The following PLEKHM3 variants were observed in gnomAD, a reference collection of about 807,000 sequenced individuals.
PLEKHM3 encodes pleckstrin homology domain-containing family M member 3.
PLEKHM3 carries 45 observed loss-of-function variants against 81.8 expected under a neutral mutation model. That is an observed-to-expected ratio of 0.55 (90% CI 0.43 to 0.71). The LOEUF (loss-of-function observed/expected upper bound fraction) is 0.71, where lower values mean the gene tolerates loss of function less well. Ranked by LOEUF, PLEKHM3 falls within the 30% of genes least tolerant of loss-of-function variation. The pLI is 0.00. For missense variants in PLEKHM3, 788 were observed against 924.3 expected (o/e 0.85, Z 1.91); for synonymous variants, 352 against 356.4 (o/e 0.99, Z 0.14).
rs1327903745 is a variant in PLEKHM3, at chr2:207,825,457, A to C, written c.*2862T>G. The C allele has an allele frequency of 6.6e-6, 1 of 152,244 alleles. No individual in the cohort carries two copies. The highest frequency in any genetic ancestry group is 2.4e-5 in the African/African-American group (1 of 41,462). 9.4% of individuals were successfully genotyped at this position (152,244 alleles called of 1,614,324 possible). On this transcript the variant is annotated 3_prime_UTR_variant, in exon 8 of 8. Transcript: ENST00000427836. The stretch of plus-strand genomic sequence containing the variant: ...TGGAACACGAGGAAAAGCAGGTATT[A>C]GTTTGGTCTGAAAGAGGTGGTAATC...
rs5838100 is a variant in PLEKHM3, at chr2:207,986,676, GT to G, written c.611-9091del. ...CTTCTCCATCATTACAAATTTTTTT[GT>G]TTTTTTTTTTTCAGACAGGGTCTTG... On this transcript the variant is annotated intron_variant, in intron 2 of 7. Transcript: ENST00000427836. Among the ~76,000 whole-genome samples, 992 of 144,568 alleles carry G rather than the reference GT, an allele frequency of 6.9e-3. 5 individuals are homozygous for G. The highest frequency in any genetic ancestry group is 8.1e-3 in the African/African-American group (318 of 39,052). 94.8% of individuals were successfully genotyped at this position (144,568 alleles called of 152,430 possible). A position where few individuals can be genotyped will look rare whatever the true frequency, so the allele number is the denominator to read the frequency against.
At chr2:207,877,342 A>G (rs1239233327) in intron 6 of PLEKHM3, among the ~76,000 whole-genome samples, 1 of 152,118 alleles carries the variant, frequency 6.6e-6, no homozygotes, top group African/African-American at 2.4e-5. Context: ...TTCCCATGCT[A>G]GCTTCTCTGA....
intron 7 of PLEKHM3, among the ~76,000 whole-genome samples, chr2:207,841,405 C>T (rs1209870794): frequency 2.5e-4 from 34 of 133,340 alleles, no homozygotes; most frequent in South Asian, 5.0e-4. Flanking sequence ...GCCGAGATCA[C>T]GCCATTGCAC....
intron 4 of PLEKHM3, among the ~76,000 whole-genome samples, chr2:207,935,176 T>C (rs1275792812): frequency 6.6e-6 from 1 of 152,218 alleles, no homozygotes; most frequent in Non-Finnish European, 1.5e-5. Flanking sequence ...AAAGACGTTT[T>C]AAGGTCCAAT....
chr2:207,828,158 G>GCA lies in PLEKHM3; in HGVS notation c.*160_*161insTG. ...TGTACACAGAGCATACGTACAGGAC[G>GCA]TATAGGTATTTGCGTATATATAAAT... On this transcript the variant is annotated 3_prime_UTR_variant, in exon 8 of 8. Coordinates refer to ENST00000427836, the MANE Select transcript of PLEKHM3 (RefSeq NM_001080475.3). The GCA allele has an allele frequency of 1.9e-6, 1 of 516,116 alleles. No homozygotes were observed. Among genetic ancestry groups the GCA allele is most frequent in the East Asian group, 3.4e-5 (1 of 29,120 alleles). 32.0% of individuals were successfully genotyped at this position (516,116 alleles called of 1,614,324 possible).
At chr2:207,888,841 A>T (rs1280963207) in intron 6 of PLEKHM3, among the ~76,000 whole-genome samples, 1 of 152,240 alleles carries the variant, frequency 6.6e-6, no homozygotes, top group Non-Finnish European at 1.5e-5. Context: ...TTAGGATACC[A>T]AAAAGAGCAG....
intron 5 of PLEKHM3, among the ~76,000 whole-genome samples, chr2:207,923,912 T>A (rs1339914628): frequency 3.4e-5 from 4 of 116,712 alleles, no homozygotes; most frequent in African/African-American, 9.7e-5. Flanking sequence ...TATATTTTTT[T>A]TTTTTTTTTT....
chr2:207,955,447 C>T (rs1221690955), intron 3 of PLEKHM3, among the ~76,000 whole-genome samples: 1 of 152,030 alleles, frequency 6.6e-6, no homozygotes, highest in Non-Finnish European at 1.5e-5. Context: ...AATGGATAAA[C>T]ACATTATAAG....
chr2:208,016,262 G>A (rs1175741512), intron 1 of PLEKHM3, among the ~76,000 whole-genome samples: 1 of 152,038 alleles, frequency 6.6e-6, no homozygotes, highest in African/African-American at 2.4e-5. Flanking sequence ...TTTTGTTGGG[G>A]GGACGGGCAA....
intron 3 of PLEKHM3, among the ~76,000 whole-genome samples, chr2:207,959,433 T>C (rs935755896): frequency 2.6e-5 from 4 of 152,204 alleles, no homozygotes; most frequent in African/African-American, 9.7e-5. Flanking sequence ...CAACCTGTCT[T>C]TTCTTACTGT....
rs113705840 is a variant in PLEKHM3, at chr2:207,871,728, A to C, written c.1951-10466T>G. ...CCATGGAACTTAATGAAGCATTTGC[A>C]AAGAGTAAGTACAAGAATGTGGTCC... is the stretch of plus-strand genomic sequence containing the variant. On this transcript the variant is annotated intron_variant, in intron 6 of 7. Coordinates refer to ENST00000427836, the MANE Select transcript of PLEKHM3 (RefSeq NM_001080475.3). Among the ~76,000 whole-genome samples the C allele has an allele frequency of 7.2e-3, 1,102 of 152,308 alleles. 12 individuals are homozygous for C. The highest frequency in any genetic ancestry group is 0.025 in the African/African-American group (1,038 of 41,562).
At chr2:207,929,020 G>A (rs76455771) in intron 5 of PLEKHM3, among the ~76,000 whole-genome samples, 1,943 of 152,294 alleles carry the variant, frequency 0.013, 43 homozygotes, top group African/African-American at 0.045. Flanking sequence ...CTATTACTCA[G>A]TGGTCTGAAG....
At chr2:207,903,140 C>T (rs117872601) in intron 6 of PLEKHM3, among the ~76,000 whole-genome samples, 5 of 152,156 alleles carry the variant, frequency 3.3e-5, no homozygotes, top group South Asian at 4.2e-4. Context: ...AATGTCTCCC[C>T]GCCCCCAATA....
At chr2:207,837,012 G>GC (rs968755437) in intron 7 of PLEKHM3, among the ~76,000 whole-genome samples, 47 of 152,268 alleles carry the variant, frequency 3.1e-4, no homozygotes, top group Non-Finnish European at 2.2e-4. Flanking sequence ...ACTATGCAAC[G>GC]CCCCCCATAC....
At chr2:207,833,195 C>T (rs1219295748) in intron 7 of PLEKHM3, among the ~76,000 whole-genome samples, 1 of 151,428 alleles carries the variant, frequency 6.6e-6, no homozygotes, top group Non-Finnish European at 1.5e-5. Flanking sequence ...TATGATTTAG[C>T]ACATACAACT....
At chr2:207,996,598 C>T (rs1288565995) in intron 2 of PLEKHM3, among the ~76,000 whole-genome samples, 1 of 152,100 alleles carries the variant, frequency 6.6e-6, no homozygotes, top group East Asian at 1.9e-4. Context: ...AGGTAAGAAA[C>T]AATCGCTTCC....
intron 6 of PLEKHM3, among the ~76,000 whole-genome samples, chr2:207,884,239 T>C (rs1427949741): frequency 6.8e-6 from 1 of 146,440 alleles, no homozygotes; most frequent in Non-Finnish European, 1.5e-5. Context: ...TCACACTTAA[T>C]GGTGAAAGAC....
chr2:207,906,658 A>T (rs1688621266), intron 6 of PLEKHM3, among the ~76,000 whole-genome samples: 2 of 152,098 alleles, frequency 1.3e-5, no homozygotes, highest in South Asian at 4.1e-4. Context: ...GGCTGGTGGT[A>T]CATGCTTGTC....
intron 6 of PLEKHM3, among the ~76,000 whole-genome samples, chr2:207,895,009 A>T (rs1688177023): frequency 6.6e-6 from 1 of 152,336 alleles, no homozygotes; most frequent in African/African-American, 2.4e-5. Flanking sequence ...TAAAGTAAGC[A>T]CTCAATAATA....
Sources: allele counts gnomAD v4.1 joint callset (sites outside exome capture counted in the v4.1 genomes callset), GRCh38; gene constraint gnomAD v4.1.1; transcripts MANE v1.5; gene names NCBI Gene and HGNC (gene_info 2026-07-23, HGNC 2026-07-21).